Variants in DENND1A observed in about 807,000 individuals in gnomAD.
DENND1A encodes DENN domain containing 1A.
Under a neutral mutation model 113.7 loss-of-function variants are expected in DENND1A, and 51 were observed. The ratio of observed to expected loss-of-function variants is 0.45; its 90% CI spans 0.36 to 0.57. The LOEUF is 0.57. DENND1A is among the 20% of genes least tolerant of loss of function. The pLI is 0.00. For missense variants in DENND1A, 1,258 were observed against 1,395.9 expected (o/e 0.90, Z 1.57); for synonymous variants, 565 against 570.8 (o/e 0.99, Z 0.14).
At chr9:123,649,583 T>A (rs781202213) in intron 9 of DENND1A, among the ~76,000 whole-genome samples, 2 of 152,226 alleles carry the variant, frequency 1.3e-5, no homozygotes, top group South Asian at 4.1e-4. Context: ...GAAAAATATG[T>A]AAAGATATTG....
At chr9:123,612,144 G>C (rs1016681433) in intron 10 of DENND1A, among the ~76,000 whole-genome samples, 1 of 152,178 alleles carries the variant, frequency 6.6e-6, no homozygotes, top group South Asian at 2.1e-4. Flanking sequence ...CATCATTTAC[G>C]TATCAAGCCT....
At chr9:123,588,931 C>G (rs1464012761) in intron 11 of DENND1A, among the ~76,000 whole-genome samples, 4 of 151,976 alleles carry the variant, frequency 2.6e-5, no homozygotes, top group Admixed American at 2.6e-4. Flanking sequence ...CCATACCCAG[C>G]TAATTTTTTT....
At chr9:123,630,267 G>T in intron 10 of DENND1A, 109 bp downstream of exon 10, 2 of 226,768 alleles carry the variant, frequency 8.8e-6, no homozygotes, top group Non-Finnish European at 1.6e-5. Flanking sequence ...GCTGGATGAA[G>T]TTAATATTTT....
At chr9:123,796,111 A>G (rs1833717443) in intron 2 of DENND1A, among the ~76,000 whole-genome samples, 1 of 152,244 alleles carries the variant, frequency 6.6e-6, no homozygotes, top group African/African-American at 2.4e-5. Context: ...TATTTAAAAT[A>G]TCTTGCTAAT....
chr9:123,553,046 C>T (rs2057200258), intron 13 of DENND1A, among the ~76,000 whole-genome samples: 1 of 152,122 alleles, frequency 6.6e-6, no homozygotes. Context: ...CACTCGAGCC[C>T]AGGAGTTGAA....
At chr9:123,511,333 G>A (rs927227049) in intron 13 of DENND1A, among the ~76,000 whole-genome samples, 13 of 152,226 alleles carry the variant, frequency 8.5e-5, no homozygotes, top group Admixed American at 7.2e-4. Context: ...GGATCTGAGG[G>A]CTAACACAGC....
At chr9:123,834,325 T>C (rs1267488216) in intron 2 of DENND1A, among the ~76,000 whole-genome samples, 2 of 152,190 alleles carry the variant, frequency 1.3e-5, no homozygotes, top group Non-Finnish European at 2.9e-5. Context: ...GCTAAGTATA[T>C]AAGAAACTCA....
chr9:123,909,432 A>G (rs1853557575), intron 1 of DENND1A, among the ~76,000 whole-genome samples: 1 of 151,142 alleles, frequency 6.6e-6, no homozygotes. Flanking sequence ...AAACTGGAAA[A>G]AAGAAAAATT....
chr9:123,877,187 T>C (rs932660957), intron 2 of DENND1A, among the ~76,000 whole-genome samples: 1 of 152,144 alleles, frequency 6.6e-6, no homozygotes, highest in Non-Finnish European at 1.5e-5. Context: ...CCTAAACTTA[T>C]ACTAATTAAA....
At chr9:123,503,787 C>T (rs532869459) in intron 13 of DENND1A, among the ~76,000 whole-genome samples, 1 of 152,294 alleles carries the variant, frequency 6.6e-6, no homozygotes, top group East Asian at 1.9e-4. Context: ...CAGTGCATCT[C>T]CCCATCACCA....
At chr9:123,685,985 C>G (rs975525613) in intron 5 of DENND1A, among the ~76,000 whole-genome samples, 2 of 147,256 alleles carry the variant, frequency 1.4e-5, no homozygotes, top group Non-Finnish European at 3.0e-5. Flanking sequence ...AGGAAATACA[C>G]TGTCTCTACT....
intron 5 of DENND1A, among the ~76,000 whole-genome samples, chr9:123,684,148 T>C (rs760920206): frequency 2.0e-5 from 3 of 152,198 alleles, no homozygotes; most frequent in South Asian, 2.1e-4. Context: ...TCAATTGCTA[T>C]GTAAAAAGTT....
chr9:123,777,306 T>G (rs1331465443), intron 3 of DENND1A, among the ~76,000 whole-genome samples: 2 of 152,230 alleles, frequency 1.3e-5, no homozygotes, highest in Admixed American at 1.3e-4. Context: ...CTGCTTGTTT[T>G]GACAGTGGAT....
At chr9:123,877,199 A>C (rs1004293219) in intron 2 of DENND1A, among the ~76,000 whole-genome samples, 1 of 152,232 alleles carries the variant, frequency 6.6e-6, no homozygotes, top group Non-Finnish European at 1.5e-5. Context: ...CTAATTAAAA[A>C]ATAAGGGCCA....
At chr9:123,408,361 A>C (rs183626871) in intron 20 of DENND1A, among the ~76,000 whole-genome samples, 1 of 152,328 alleles carries the variant, frequency 6.6e-6, no homozygotes, top group East Asian at 1.9e-4. Context: ...CAAATCTTCT[A>C]TGACTCCCAA....
At chr9:123,495,141 T>TCTCTCTCTC (rs2051763656) in intron 13 of DENND1A, among the ~76,000 whole-genome samples, 23 of 140,642 alleles carry the variant, frequency 1.6e-4, no homozygotes, top group African/African-American at 3.1e-4. Flanking sequence ...CATTGTCTCT[T>TCTCTCTCTC]TCTCTCTCTC....
chr9:123,648,660 C>A (rs1474576054), intron 9 of DENND1A, among the ~76,000 whole-genome samples: 2 of 152,088 alleles, frequency 1.3e-5, no homozygotes, highest in Non-Finnish European at 2.9e-5. Context: ...TTAATATTTT[C>A]TTTTATACAA....
rs1310228165 is a variant in DENND1A, at chr9:123,457,880, G to T, written c.1011C>A (p.Phe337Leu). The change falls in exon 14 of 24, where the codon TTC becomes TTA. Residue 337 changes from phenylalanine to leucine, a missense_variant. This residue lies in a region of DENND1A where 1,159 missense variants were observed against 1,231.7 expected (regional missense o/e 0.94). Coordinates refer to ENST00000394215, the MANE Select transcript of DENND1A (RefSeq NM_001352964.2). ...LKIEPEEPIT[F>L]CEEAFVSHYR... is the part of the protein sequence containing the mutation. Reference sequence around the variant, plus strand: ...AGTGGGACACGAAGGCTTCCTCACAGAAAGTGATCGGCTCCTCCTGGGAAG... The same window carrying T: ...AGTGGGACACGAAGGCTTCCTCACATAAAGTGATCGGCTCCTCCTGGGAAG... The T allele has an allele frequency of 6.2e-7, 1 of 1,611,592 alleles. No homozygotes were observed. The highest frequency in any genetic ancestry group is 2.2e-5 in the East Asian group (1 of 44,792).
intron 13 of DENND1A, chr9:123,492,110 CTG>C (rs1230975027): frequency 6.6e-6 from 1 of 152,294 alleles, no homozygotes; most frequent in African/African-American, 2.4e-5. Flanking sequence ...ACAGGGTTAA[CTG>C]TGAGTTAGGC....
Sources: allele counts gnomAD v4.1 joint callset (sites outside exome capture counted in the v4.1 genomes callset), GRCh38; gene constraint gnomAD v4.1.1; regional missense constraint gnomAD v4.1.1; transcripts MANE v1.5; gene names NCBI Gene and HGNC (gene_info 2026-07-23, HGNC 2026-07-21).